Variants in SMARCB1 observed in about 807,000 individuals in gnomAD.
The protein encoded by SMARCB1 is SWI/SNF-related matrix-associated actin-dependent regulator of chromatin subfamily B member 1.
In SMARCB1, 5 loss-of-function variants were observed where a neutral mutation model predicts 49.0. The ratio of observed to expected loss-of-function variants is 0.10; its 90% CI spans 0.05 to 0.21. The LOEUF (loss-of-function observed/expected upper bound fraction) is 0.21, where lower values mean the gene tolerates loss of function less well. SMARCB1 is among the 10% of genes least tolerant of loss of function. The probability of loss-of-function intolerance (pLI) is 1.00; values close to 1 mark genes in which losing one functional copy is unlikely to be tolerated. For synonymous variants in SMARCB1, 201 were observed against 200.1 expected (o/e 1.00, Z -0.04); for missense variants, 226 against 509.2 (o/e 0.44, Z 5.35).
In SMARCB1 at chr22:23,834,212, A is replaced by G; in HGVS notation, c.*32A>G. On this transcript the variant is annotated 3_prime_UTR_variant, in exon 9 of 9. Coordinates refer to ENST00000644036, the MANE Select transcript of SMARCB1 (RefSeq NM_003073.5). ...CATCAGCACACGGCTCCCACGGAGC[A>G]TCTCAGAAGATTGGGCCGCCTCTCC... The G allele has an allele frequency of 6.4e-7, 1 of 1,566,926 alleles. No homozygotes were observed. Among genetic ancestry groups the G allele is most frequent in the Non-Finnish European group, 8.7e-7 (1 of 1,155,382 alleles).
chr22:23,801,691 C>G (rs1307765762), intron 4 of SMARCB1: 2 of 295,286 alleles, frequency 6.8e-6, no homozygotes, highest in Non-Finnish European at 1.3e-5. Flanking sequence ...ACTTCCCTGT[C>G]TCTCTCTTAG....
intron 5 of SMARCB1, among the ~76,000 whole-genome samples, chr22:23,810,527 C>CAAAAAAAAAAAAAAAA (rs201408640): frequency 1.3e-5 from 1 of 79,568 alleles, no homozygotes; most frequent in African/African-American, 5.4e-5. Context: ...GACTCTGTCT[C>CAAAAAAAAAAAAAAAA]AAAAAAAAAA....
At chr22:23,828,849 C>T (rs766811179) in intron 7 of SMARCB1, among the ~76,000 whole-genome samples, 2 of 152,156 alleles carry the variant, frequency 1.3e-5, no homozygotes, top group Non-Finnish European at 2.9e-5. Flanking sequence ...TGTGCAAGGC[C>T]ACTATGCCCA....
chr22:23,821,235 CAG>C (rs999678729), intron 6 of SMARCB1, among the ~76,000 whole-genome samples: 8 of 152,338 alleles, frequency 5.3e-5, no homozygotes, highest in African/African-American at 1.9e-4. Context: ...CCAGATGTCA[CAG>C]GGTGGACACA....
intron 5 of SMARCB1, among the ~76,000 whole-genome samples, chr22:23,809,272 ATTC>A (rs905471218): frequency 1.4e-5 from 2 of 145,668 alleles, no homozygotes; most frequent in African/African-American, 5.1e-5. Context: ...GATATTGGAC[ATTC>A]TTTTTTTTTT....
chr22:23,836,663 G>T lies in SMARCB1; in HGVS notation c.*2483G>T. On this transcript the variant is annotated 3_prime_UTR_variant, in exon 9 of 9. Transcript: ENST00000644036. ...CAGTTGGGCTGAGAGGCCACACTGA[G>T]TGAGGACGGGGCAGGCATAGAAGGA... The T allele has an allele frequency of 7.9e-7, 1 of 1,269,012 alleles. No homozygotes were observed. Among genetic ancestry groups the T allele is most frequent in the Non-Finnish European group, 9.9e-7 (1 of 1,012,974 alleles). 78.6% of individuals were successfully genotyped at this position (1,269,012 alleles called of 1,614,324 possible).
intron 2 of SMARCB1, 178 bp downstream of exon 2, chr22:23,792,072 T>C (rs547939298): frequency 7.5e-6 from 5 of 662,266 alleles, no homozygotes; most frequent in African/African-American, 7.1e-5. Flanking sequence ...CAGGGAGCCA[T>C]TGGTGGTCCA....
chr22:23,819,195 A>G (rs1417179541), intron 6 of SMARCB1, among the ~76,000 whole-genome samples: 2 of 152,148 alleles, frequency 1.3e-5, no homozygotes, highest in East Asian at 1.9e-4. Context: ...GTATGGATCT[A>G]TCACATTTTT....
chr22:23,810,341 A>G (rs1314693645), intron 5 of SMARCB1, among the ~76,000 whole-genome samples: 1 of 151,348 alleles, frequency 6.6e-6, no homozygotes, highest in Non-Finnish European at 1.5e-5. Flanking sequence ...CCTGACCAAT[A>G]TGGTGAAACC....
Position 23,834,538 on chromosome 22 carries a change from A to C in SMARCB1, c.*358A>C. On this transcript the variant is annotated 3_prime_UTR_variant, in exon 9 of 9. Transcript: ENST00000644036. ...TCAACAGGTCATGTTCAATTTCTTC[A>C]AAGTTTTAACATAAAAATAATGAGA... 2 of 699,532 alleles carry C rather than the reference A, an allele frequency of 2.9e-6. No individual in the cohort carries two copies. Among genetic ancestry groups the C allele is most frequent in the Middle Eastern group, 2.3e-4 (1 of 4,348 alleles). 43.3% of individuals were successfully genotyped at this position (699,532 alleles called of 1,614,324 possible). A position where few individuals can be genotyped will look rare whatever the true frequency, so the allele number is the denominator to read the frequency against.
At chr22:23,795,249 C>T (rs907316540) in intron 3 of SMARCB1, among the ~76,000 whole-genome samples, 2 of 152,028 alleles carry the variant, frequency 1.3e-5, no homozygotes, top group Non-Finnish European at 2.9e-5. Context: ...CCAGCCTGAG[C>T]AACATAGTGA....
Position 23,835,888 on chromosome 22 carries a change from C to A in SMARCB1, c.*1708C>A. ...CTCACTCCTGACCGCCAGCTCACAC[C>A]GCCGCAAAGCCATCTCCACAAGGTC... On this transcript the variant is annotated 3_prime_UTR_variant, in exon 9 of 9. Transcript: ENST00000644036. The A allele has an allele frequency of 1.0e-6, 1 of 985,484 alleles. No homozygotes were observed. Among genetic ancestry groups the A allele is most frequent in the Non-Finnish European group, 1.2e-6 (1 of 829,952 alleles). 61.0% of individuals were successfully genotyped at this position (985,484 alleles called of 1,614,324 possible).
Position 23,801,076 on chromosome 22 carries a change from C to T in SMARCB1, c.495C>T (p.Pro165=), listed in dbSNP as rs972863493. 1.9e-6 allele frequency: 3 copies of T among 1,614,210 alleles called. No homozygotes were observed. Among genetic ancestry groups the T allele is most frequent in the Non-Finnish European group, 2.5e-6 (3 of 1,180,046 alleles). Residue 165 remains proline, a synonymous_variant, in exon 4 of 9, where the codon CCC becomes CCT. Transcript: ENST00000644036. Reference sequence around the variant, plus strand: ...GCCGAGACAAGAAGAGAACCTTCCCCCTTTGGTGTGGATGCATCGCTGCAC... The same window carrying T: ...GCCGAGACAAGAAGAGAACCTTCCCTCTTTGGTGTGGATGCATCGCTGCAC... ...RMGRDKKRTF[P]LCFDDHDPAV...
chr22:23,829,787 T>C (rs2030563049), intron 7 of SMARCB1, among the ~76,000 whole-genome samples: 1 of 152,204 alleles, frequency 6.6e-6, no homozygotes, highest in African/African-American at 2.4e-5. Context: ...TTTAGGACTT[T>C]TTCATCACCC....
At chr22:23,802,830 C>A in intron 4 of SMARCB1, 1 of 304,722 alleles carries the variant, frequency 3.3e-6, no homozygotes, top group South Asian at 3.0e-5. Flanking sequence ...TGCTTCGACA[C>A]CCGCTAGCTT....
intron 7 of SMARCB1, among the ~76,000 whole-genome samples, chr22:23,832,203 C>T (rs755712350): frequency 1.7e-4 from 5 of 29,454 alleles, no homozygotes; most frequent in African/African-American, 3.2e-4. Flanking sequence ...AGGCTGGTCC[C>T]ACAACCTTGA....
chr22:23,826,117 A>C (rs2030366425), intron 7 of SMARCB1: 2 of 152,718 alleles, frequency 1.3e-5, no homozygotes, highest in African/African-American at 2.4e-5. Context: ...GGTGGGACTC[A>C]GAGTTAAAAG....
chr22:23,787,873 A>G (rs960885503), intron 1 of SMARCB1, among the ~76,000 whole-genome samples: 1 of 152,214 alleles, frequency 6.6e-6, no homozygotes, highest in Non-Finnish European at 1.5e-5. Flanking sequence ...AGCGATTGAC[A>G]CTTTCCATAT....
At position 23,835,223 on chromosome 22, in the gene SMARCB1, T is replaced by C; in HGVS notation, c.*1043T>C. On this transcript the variant is annotated 3_prime_UTR_variant, in exon 9 of 9. Coordinates refer to ENST00000644036, the MANE Select transcript of SMARCB1 (RefSeq NM_003073.5). ...CAAGGAGTTCATGTCCCCTCTGTTC[T>C]CATCTGTAATAGGGAGGTGTCCCCA... is the stretch of plus-strand genomic sequence containing the variant. The C allele has an allele frequency of 8.2e-7, 1 of 1,222,474 alleles. No homozygotes were observed. The highest frequency in any genetic ancestry group is 3.6e-5 in the East Asian group (1 of 28,038). 75.7% of individuals were successfully genotyped at this position (1,222,474 alleles called of 1,614,324 possible). A position where few individuals can be genotyped will look rare whatever the true frequency, so the allele number is the denominator to read the frequency against.
Sources: gnomAD v4.1 joint callset for allele counts (sites outside exome capture counted in the v4.1 genomes callset) on GRCh38, gnomAD v4.1.1 for gene constraint, MANE v1.5 for transcripts, NCBI Gene and HGNC (gene_info 2026-07-23, HGNC 2026-07-21) for gene names.